GDAP2: variants seen among roughly 807,000 people sequenced by gnomAD.
GDAP2 encodes ganglioside induced differentiation associated protein 2.
Under a neutral mutation model 67.0 loss-of-function variants are expected in GDAP2, and 51 were observed. The ratio of observed to expected loss-of-function variants is 0.76; its 90% CI spans 0.61 to 0.96. The LOEUF (loss-of-function observed/expected upper bound fraction) is 0.96. GDAP2 is among the 40% of genes least tolerant of loss of function. GDAP2 has a pLI of 0.00. For synonymous variants in GDAP2, 203 were observed against 207.3 expected (o/e 0.98, Z 0.18); for missense variants, 547 against 588.3 (o/e 0.93, Z 0.73).
chr1:117,893,675 C>G (rs1201734139), intron 8 of GDAP2, among the ~76,000 whole-genome samples: 2 of 152,162 alleles, frequency 1.3e-5, no homozygotes, highest in Non-Finnish European at 2.9e-5. Flanking sequence ...CCTACAATCT[C>G]AAATACGGCT....
chr1:117,923,595 G>T (rs1199899570), intron 1 of GDAP2, among the ~76,000 whole-genome samples: 2 of 152,166 alleles, frequency 1.3e-5, no homozygotes, highest in African/African-American at 2.4e-5. Flanking sequence ...ATCAGGGAAA[G>T]AAAGTTGGCA....
intron 12 of GDAP2, among the ~76,000 whole-genome samples, chr1:117,879,757 TA>T (rs1239383446): frequency 6.6e-6 from 1 of 152,184 alleles, no homozygotes; most frequent in East Asian, 1.9e-4. Flanking sequence ...CATTAGGCTT[TA>T]TTGCCTCCCC....
intron 13 of GDAP2, 162 bp downstream of exon 13, chr1:117,877,847 G>T (rs952102105): frequency 9.4e-5 from 119 of 1,265,838 alleles, no homozygotes; most frequent in Non-Finnish European, 1.1e-4. Context: ...TTTTCCTAAA[G>T]TTATCATAGG....
intron 3 of GDAP2, 142 bp from the exon 4 acceptor site, chr1:117,912,825 C>T: frequency 3.0e-6 from 2 of 669,620 alleles, no homozygotes; most frequent in Non-Finnish European, 5.2e-6. Context: ...GCATTTATCT[C>T]TGTTACTTCT....
At chr1:117,911,934 C>T in intron 5 of GDAP2, 60 bp downstream of exon 5, 1 of 943,132 alleles carries the variant, frequency 1.1e-6, no homozygotes, top group Non-Finnish European at 1.7e-6. Flanking sequence ...AGCCACCATG[C>T]CCAGAATTTA....
intron 8 of GDAP2, 80 bp downstream of exon 8, chr1:117,896,753 T>C: frequency 1.2e-6 from 1 of 862,080 alleles, no homozygotes; most frequent in Non-Finnish European, 1.8e-6. Flanking sequence ...TATATACACG[T>C]AGCTCATGCA....
intron 6 of GDAP2, among the ~76,000 whole-genome samples, chr1:117,903,285 G>A (rs1209546872): frequency 6.6e-6 from 1 of 152,020 alleles, no homozygotes; most frequent in Non-Finnish European, 1.5e-5. Context: ...TTAGCCAAAT[G>A]TCTTGACTAG....
At chr1:117,917,732 T>C (rs1291744535) in intron 3 of GDAP2, among the ~76,000 whole-genome samples, 1 of 152,216 alleles carries the variant, frequency 6.6e-6, no homozygotes, top group Non-Finnish European at 1.5e-5. Context: ...TTTCTTATAT[T>C]CTTTATTATC....
intron 8 of GDAP2, among the ~76,000 whole-genome samples, chr1:117,891,158 A>G (rs1425532498): frequency 6.7e-6 from 1 of 149,126 alleles, no homozygotes. Context: ...CTAGATAAAA[A>G]CTATAGATTT....
chr1:117,920,024 TTAAA>T (rs1463830323), intron 2 of GDAP2, among the ~76,000 whole-genome samples, 154 bp downstream of exon 2: 1 of 152,206 alleles, frequency 6.6e-6, no homozygotes, highest in East Asian at 1.9e-4. Flanking sequence ...ATTGTATACT[TTAAA>T]TATGTAGCTT....
rs754547177 is a variant in GDAP2 at position 117,912,027 on chromosome 1, AACC to A, written c.523_525del (p.Gly175del). 4.2e-5 allele frequency: 67 copies of A among 1,606,456 alleles called. 1 individual carries two copies. In the South Asian group the frequency reaches 7.4e-4, roughly 18 times the overall value. The stretch of plus-strand genomic sequence containing the variant: ...ATGTGTGTTGCATCCTCTAAAGGAT[AACC>A]ACGTTTTGCAGAATTGATGACACAG... On this transcript the variant is annotated inframe_deletion, in exon 5 of 14. Transcript: ENST00000369443.
At position 117,883,526 on chromosome 1, in the gene GDAP2, G is replaced by A. The variant is rs1648738747; in HGVS notation, c.1209C>T (p.Ser403=). Residue 403 remains serine, a synonymous_variant, in exon 11 of 14, where the codon TCC becomes TCT. Coordinates refer to ENST00000369443, the MANE Select transcript of GDAP2 (RefSeq NM_017686.4). ...CATCGTAGAGTTTCTTCAGGAAGTC[G>A]GAGTCCAGGTGATTGTATTCGCTGG... The part of the protein sequence containing the change: ...TLTSEYNHLD[S]DFLKKLYDVV... 12 of 1,612,432 alleles carry A rather than the reference G, an allele frequency of 7.4e-6. No individual in the cohort carries two copies. Among genetic ancestry groups the A allele is most frequent in the South Asian group, 3.3e-5 (3 of 91,004 alleles).
Position 117,897,405 on chromosome 1 carries a change from A to G in GDAP2, c.797-416T>C, listed in dbSNP as rs200959239. Among the ~76,000 whole-genome samples, 8 of 152,352 alleles carry G rather than the reference A, an allele frequency of 5.3e-5. No homozygotes were observed. The East Asian group carries it at 7.7e-4, about 15-fold the overall frequency. On this transcript the variant is annotated intron_variant, in intron 7 of 13. Coordinates refer to ENST00000369443, the MANE Select transcript of GDAP2 (RefSeq NM_017686.4). ...GTTGAAGGAGGAAGCATTTGATTGC[A>G]TAAATGCTCTTCTGTAAGGTGACAT...
At position 117,906,378 on chromosome 1, in the gene GDAP2, C is replaced by T; in HGVS notation, c.636+128G>A. 2.2e-5 allele frequency: 13 copies of T among 591,826 alleles called. 1 individual carries two copies. The South Asian group carries it at 2.6e-4, about 12-fold the overall frequency. The allele number at this position is 591,826 out of a possible 1,614,324, so 36.7% of individuals were successfully genotyped here. On this transcript the variant is annotated intron_variant, in intron 6 of 13. Transcript: ENST00000369443. ...TTTCAATGAATGATTGTAAGACCCACTGTCAAATACATACATAGATCATTA... is the reference window on the plus strand; with the variant it reads ...TTTCAATGAATGATTGTAAGACCCATTGTCAAATACATACATAGATCATTA...
intron 8 of GDAP2, among the ~76,000 whole-genome samples, chr1:117,891,022 G>A (rs570872720): frequency 1.2e-4 from 18 of 151,632 alleles, no homozygotes; most frequent in Non-Finnish European, 2.5e-4. Flanking sequence ...TTTGGGATTT[G>A]GGATGTTCAA....
At chr1:117,877,212 TAGAG>T in intron 13 of GDAP2, 1 of 805,824 alleles carries the variant, frequency 1.2e-6, no homozygotes, top group Non-Finnish European at 1.5e-6. Flanking sequence ...AGAGAAATGT[TAGAG>T]AGAAATTGTG....
At position 117,894,694 on chromosome 1, in the gene GDAP2, A is replaced by C. The variant is rs115610948; in HGVS notation, c.953+2139T>G. On this transcript the variant is annotated intron_variant, in intron 8 of 13. Coordinates refer to ENST00000369443, the MANE Select transcript of GDAP2 (RefSeq NM_017686.4). ...GACTAGTTGCTTTTTTTCATGCAAC[A>C]CCATTTTTACTTCAAAGAATGACTG... 7.2e-3 allele frequency among the ~76,000 whole-genome samples: 1,089 copies of C among 152,286 alleles called. 9 individuals carry two copies. The highest frequency in any genetic ancestry group is 0.025 in the African/African-American group (1,041 of 41,558).
At chr1:117,884,040 TTCAA>T (rs1432190864) in intron 10 of GDAP2, among the ~76,000 whole-genome samples, 24 of 152,326 alleles carry the variant, frequency 1.6e-4, no homozygotes, top group Admixed American at 9.2e-4. Flanking sequence ...TCCGCTTGAA[TTCAA>T]TCAAAGTCTT....
chr1:117,869,321 CA>C lies in GDAP2; in HGVS notation c.*1247del, dbSNP rs949896612. On this transcript the variant is annotated 3_prime_UTR_variant, in exon 14 of 14. Transcript: ENST00000369443. ...GTATAGCATCAGGGGATGAGCAGGC[CA>C]GAAGAGATTCTGGACAAAAGAGGAA... The C allele has an allele frequency of 1.3e-5, 2 of 152,014 alleles. No individual in the cohort carries two copies. Among genetic ancestry groups the C allele is most frequent in the Non-Finnish European group, 2.9e-5 (2 of 68,008 alleles). The allele number at this position is 152,014 out of a possible 1,614,324, so 9.4% of individuals were successfully genotyped here.
Sources: gnomAD v4.1 joint callset for allele counts (sites outside exome capture counted in the v4.1 genomes callset) on GRCh38, gnomAD v4.1.1 for gene constraint, MANE v1.5 for transcripts, NCBI Gene and HGNC (gene_info 2026-07-23, HGNC 2026-07-21) for gene names.